OR51B5: variants seen among roughly 807,000 people sequenced by gnomAD.
The protein encoded by OR51B5 is olfactory receptor family 51 subfamily B member 5.
For missense variants in OR51B5, 456 were observed against 374.6 expected, an observed-to-expected ratio of 1.22 and a Z score of -1.79; for synonymous variants, 186 against 144.8, an observed-to-expected ratio of 1.28 and a Z score of -2.04.
intron 1 of OR51B5, among the ~76,000 whole-genome samples, chr11:5,496,152 C>T (rs1242424520): frequency 6.6e-6 from 1 of 151,972 alleles, no homozygotes; most frequent in African/African-American, 2.4e-5. Context: ...GTGTAGTCCA[C>T]GTTGACTCTC....
rs185243412 is a variant in OR51B5 at position 5,374,520 on chromosome 11, G to T, written n.85-27610C>A. 3.6e-4 allele frequency among the ~76,000 whole-genome samples: 55 copies of T among 152,228 alleles called. No individual in the cohort carries two copies. In the East Asian group the frequency reaches 9.7e-3, roughly 27 times the overall value. ...GAGCTGAGAGAAGAAGACTTCAGAC[G>T]ATGAAACTACTCCGAGCTACAGGAG... On this transcript the variant is annotated intron_variant and non_coding_transcript_variant, in intron 1 of 4. Transcript: ENST00000415970.
intron 1 of OR51B5, among the ~76,000 whole-genome samples, chr11:5,495,582 G>C (rs1450988652): frequency 2.0e-5 from 3 of 152,066 alleles, no homozygotes; most frequent in Non-Finnish European, 4.4e-5. Context: ...AAAATCTGTA[G>C]TAGATACACA....
intron 1 of OR51B5, among the ~76,000 whole-genome samples, chr11:5,424,981 C>CTAAAA (rs1850425997): frequency 2.0e-4 from 17 of 84,414 alleles, no homozygotes; most frequent in Admixed American, 5.1e-4. Context: ...GACTCCGCCT[C>CTAAAA]AAAAAAAAAA....
At chr11:5,497,729 T>C (rs987549083) in intron 1 of OR51B5, among the ~76,000 whole-genome samples, 3 of 152,190 alleles carry the variant, frequency 2.0e-5, no homozygotes, top group Non-Finnish European at 2.9e-5. Flanking sequence ...TAAACTCCTA[T>C]TTTAACAATC....
chr11:5,350,344 C>T (rs1185039633), intron 1 of OR51B5, among the ~76,000 whole-genome samples: 1 of 152,176 alleles, frequency 6.6e-6, no homozygotes, highest in Admixed American at 6.5e-5. Flanking sequence ...GCATTCTTTT[C>T]ATGGACAGAA....
chr11:5,431,001 G>A, intron 1 of OR51B5: 1 of 457,066 alleles, frequency 2.2e-6, no homozygotes, highest in Non-Finnish European at 4.4e-6. Context: ...CAATGGCTAA[G>A]CCCAGGATGC....
At chr11:5,381,965 A>G (rs1207644843) in intron 1 of OR51B5, among the ~76,000 whole-genome samples, 2 of 152,258 alleles carry the variant, frequency 1.3e-5, no homozygotes, top group Non-Finnish European at 2.9e-5. Flanking sequence ...TGTCAATTAC[A>G]TATCTGCATC....
At chr11:5,388,790 T>G (rs1005602942) in intron 1 of OR51B5, among the ~76,000 whole-genome samples, 1 of 151,530 alleles carries the variant, frequency 6.6e-6, no homozygotes, top group Non-Finnish European at 1.5e-5. Context: ...CCTGAAAGAG[T>G]GATCTGAATT....
chr11:5,419,105 C>T (rs1031130151), intron 1 of OR51B5, among the ~76,000 whole-genome samples: 15 of 152,192 alleles, frequency 9.9e-5, no homozygotes, highest in African/African-American at 3.4e-4. Context: ...CTAAAATATT[C>T]CCCTTTATCT....
chr11:5,382,376 C>G (rs2133719632), intron 1 of OR51B5, among the ~76,000 whole-genome samples: 1 of 152,264 alleles, frequency 6.6e-6, no homozygotes, highest in African/African-American at 2.4e-5. Flanking sequence ...TGGCCCTCAC[C>G]TGTGGGCCAG....
intron 1 of OR51B5, among the ~76,000 whole-genome samples, chr11:5,487,736 C>G (rs866735685): frequency 6.6e-6 from 1 of 152,272 alleles, no homozygotes; most frequent in Middle Eastern, 3.4e-3. Flanking sequence ...TCTCTAATAG[C>G]ACTTGCCATT....
intron 1 of OR51B5, chr11:5,352,084 A>C (rs765091635): frequency 2.5e-6 from 4 of 1,614,072 alleles, no homozygotes; most frequent in South Asian, 1.1e-5. Flanking sequence ...CATCACCTTC[A>C]ACCGTCTCTA....
rs545190714 is a variant in OR51B5 at position 5,437,331 on chromosome 11, C to T, written n.84+68238G>A. ...GCAAAACCTAAAGCTTAGATTCCAA[C>T]GGGAAAATTCCAGAGCTCACATCTC... On this transcript the variant is annotated intron_variant and non_coding_transcript_variant, in intron 1 of 4. Coordinates refer to the OR51B5 transcript ENST00000415970. Among the ~76,000 whole-genome samples, 30 of 152,186 alleles carry T rather than the reference C, an allele frequency of 2.0e-4. No individual in the cohort carries two copies. In the South Asian group the frequency reaches 3.3e-3, roughly 17 times the overall value.
chr11:5,343,078 C>CCT lies in OR51B5; in HGVS notation c.445_446dup (p.Phe151AspfsTer52). The CCT allele has an allele frequency of 6.2e-7, 1 of 1,613,148 alleles. No homozygotes were observed. Among genetic ancestry groups the CCT allele is most frequent in the African/African-American group, 1.3e-5 (1 of 74,906 alleles). On this transcript the variant is annotated frameshift_variant, in exon 1 of 1. Transcript: ENST00000300773. LOFTEE classifies it low-confidence loss of function (END_TRUNC). ...TTGGGGGAACAACGGATACAAATCC[C>CCT]CTCATCAGAACTCCCAGCCCAATCT...
rs1158440233 is a variant in OR51B5, at chr11:5,441,296, C to T, written n.84+64273G>A. On this transcript the variant is annotated intron_variant and non_coding_transcript_variant, in intron 1 of 4. Transcript: ENST00000415970. ...TGGGAAGTGTAGAAAAGGACACTCC[C>T]AGATCATTGAGAGCGAGCATAGAGA... 3.1e-6 allele frequency: 5 copies of T among 1,613,774 alleles called. No individual in the cohort carries two copies. The Admixed American group carries it at 6.7e-5, about 22-fold the overall frequency.
chr11:5,416,917 G>GA (rs1000098583), intron 1 of OR51B5, among the ~76,000 whole-genome samples: 2 of 151,224 alleles, frequency 1.3e-5, no homozygotes, highest in African/African-American at 2.4e-5. Flanking sequence ...CACAGAATTG[G>GA]AAAAAACTAC....
chr11:5,483,911 A>G (rs1176517527), intron 1 of OR51B5, among the ~76,000 whole-genome samples: 1 of 152,096 alleles, frequency 6.6e-6, no homozygotes, highest in Non-Finnish European at 1.5e-5. Context: ...CGAATTACAC[A>G]TTCAGACCCT....
At chr11:5,371,640 CAAGT>C (rs1849449767) in intron 1 of OR51B5, among the ~76,000 whole-genome samples, 1 of 152,182 alleles carries the variant, frequency 6.6e-6, no homozygotes, top group East Asian at 1.9e-4. Context: ...TTATCTGAAA[CAAGT>C]AAGCTTGTTC....
intron 1 of OR51B5, chr11:5,440,974 A>G: frequency 1.2e-6 from 2 of 1,614,038 alleles, no homozygotes; most frequent in Non-Finnish European, 1.7e-6. Context: ...GGATGGAGAC[A>G]GTAGGAGTGA....
Sources: allele counts gnomAD v4.1 joint callset (sites outside exome capture counted in the v4.1 genomes callset), GRCh38; gene constraint gnomAD v4.1.1; transcripts MANE v1.5; gene names NCBI Gene and HGNC (gene_info 2026-07-23, HGNC 2026-07-21).